The following ERCC8 variants were observed in gnomAD, a reference collection of about 807,000 sequenced individuals.
ERCC8 encodes the protein ERCC excision repair 8, CSA ubiquitin ligase complex subunit.
Under a neutral mutation model 54.9 loss-of-function variants are expected in ERCC8, and 52 were observed. The ratio of observed to expected loss-of-function variants is 0.95; its 90% CI spans 0.76 to 1.19. ERCC8 has a LOEUF of 1.19. Ranked by LOEUF, ERCC8 falls within the 50% of genes most tolerant of loss-of-function variation. The pLI is 0.00. For synonymous variants in ERCC8, 146 were observed against 157.2 expected (o/e 0.93, Z 0.53); for missense variants, 514 against 466.1 (o/e 1.10, Z -0.95).
intron 4 of ERCC8, among the ~76,000 whole-genome samples, chr5:60,909,428 T>C (rs1020254918): frequency 5.3e-5 from 8 of 152,018 alleles, no homozygotes; most frequent in Non-Finnish European, 1.0e-4. Context: ...TCCATAGTTA[T>C]ACCAAGTGTG....
intron 1 of ERCC8, among the ~76,000 whole-genome samples, chr5:60,931,040 C>T (rs893399949): frequency 2.6e-5 from 4 of 151,228 alleles, no homozygotes; most frequent in African/African-American, 9.7e-5. Context: ...ACTCAGGGGA[C>T]GGAGGTTGCA....
chr5:60,878,916 G>T (rs1256038484), intron 11 of ERCC8, among the ~76,000 whole-genome samples: 1 of 152,062 alleles, frequency 6.6e-6, no homozygotes, highest in East Asian at 1.9e-4. Context: ...GCTAGCTTTT[G>T]AATGTGTTTG....
chr5:60,911,388 T>A (rs1227706091), intron 4 of ERCC8, among the ~76,000 whole-genome samples: 2 of 152,162 alleles, frequency 1.3e-5, no homozygotes. Flanking sequence ...GCTGCATAAA[T>A]GTCTTCTTTG....
chr5:60,915,256 T>C (rs950307635), intron 4 of ERCC8: 53 of 152,100 alleles, frequency 3.5e-4, no homozygotes, highest in Admixed American at 3.0e-3. Flanking sequence ...AGCTCATTTG[T>C]TGGTAAGCTT....
chr5:60,915,012 T>A (rs1362665936), intron 4 of ERCC8, among the ~76,000 whole-genome samples: 2 of 152,022 alleles, frequency 1.3e-5, no homozygotes, highest in Non-Finnish European at 2.9e-5. Flanking sequence ...ATTTTTGTTA[T>A]TTATATTTGT....
intron 3 of ERCC8, chr5:60,919,370 C>T (rs1749535529): frequency 1.3e-5 from 2 of 151,816 alleles, no homozygotes; most frequent in Non-Finnish European, 1.5e-5. Context: ...TTTGAAATTT[C>T]CCATAGAAAA....
rs372945700 is a variant in ERCC8 at position 60,873,658 on chromosome 5, C to G, written c.*957G>C. On this transcript the variant is annotated 3_prime_UTR_variant, in exon 12 of 12. Transcript: ENST00000676185. ...AAACACTGCACTCCGGCCTGAGCGA[C>G]AGAGTGAAACTCCATCTCAGGAAAA... is the stretch of plus-strand genomic sequence containing the variant. Among the ~76,000 whole-genome samples the G allele has an allele frequency of 1.3e-5, 2 of 152,036 alleles. No homozygotes were observed. The highest frequency in any genetic ancestry group is 4.8e-5 in the African/African-American group (2 of 41,398).
intron 4 of ERCC8, among the ~76,000 whole-genome samples, chr5:60,906,392 C>A (rs533795529): frequency 2.0e-5 from 3 of 151,492 alleles, no homozygotes. Context: ...CTCTCATTAG[C>A]TTTACAAAGG....
chr5:60,909,923 T>G (rs1193201277), intron 4 of ERCC8: 4 of 150,504 alleles, frequency 2.7e-5, no homozygotes, highest in South Asian at 4.2e-4. Context: ...CACTGGCCAC[T>G]GCACTCCAGC....
rs1747752833 is a variant in ERCC8 at position 60,866,551 on chromosome 5, A to G, written c.*8064T>C. On this transcript the variant is annotated 3_prime_UTR_variant, in exon 12 of 12. Transcript: ENST00000676185. ...CAAATGAATAAACTTGCAAAATCAA[A>G]TAGGTAATCAATGATGGCTCCATAA... 6.6e-6 allele frequency: 1 copy of G among 152,190 alleles called. No individual in the cohort carries two copies. Among genetic ancestry groups the G allele is most frequent in the African/African-American group, 2.4e-5 (1 of 41,434 alleles). The allele number at this position is 152,190 out of a possible 1,614,324, so 9.4% of individuals were successfully genotyped here.
intron 4 of ERCC8, among the ~76,000 whole-genome samples, chr5:60,906,596 G>A (rs554386547): frequency 1.3e-5 from 2 of 151,998 alleles, no homozygotes; most frequent in African/African-American, 2.4e-5. Flanking sequence ...GGGCGTGGTG[G>A]CAGGCGCCTG....
intron 1 of ERCC8, 69 bp from the exon 2 acceptor site, chr5:60,929,028 A>G (rs1749831821): frequency 1.1e-6 from 1 of 909,532 alleles, no homozygotes; most frequent in Non-Finnish European, 1.8e-6. Flanking sequence ...TATTTAACCA[A>G]GATTACTTAT....
chr5:60,921,463 T>TA (rs1167602947), intron 3 of ERCC8, among the ~76,000 whole-genome samples: 1 of 151,904 alleles, frequency 6.6e-6, no homozygotes, highest in Non-Finnish European at 1.5e-5. Flanking sequence ...AACATTTTAT[T>TA]AGAGACTTAA....
At chr5:60,897,346 AATTG>A (rs1471448273) in intron 9 of ERCC8, among the ~76,000 whole-genome samples, 1 of 152,116 alleles carries the variant, frequency 6.6e-6, no homozygotes, top group Admixed American at 6.5e-5. Flanking sequence ...TCCATCTATT[AATTG>A]ATTGATGCCT....
At chr5:60,884,562 C>T (rs1748342834) in intron 11 of ERCC8, among the ~76,000 whole-genome samples, 1 of 145,834 alleles carries the variant, frequency 6.9e-6, no homozygotes, top group Non-Finnish European at 1.5e-5. Flanking sequence ...TATACTGCCT[C>T]CTTGGGAAAT....
chr5:60,901,912 C>T (rs374593227), intron 7 of ERCC8, among the ~76,000 whole-genome samples: 29 of 152,154 alleles, frequency 1.9e-4, no homozygotes, highest in African/African-American at 6.7e-4. Context: ...ATTACACCTA[C>T]CAGAGATGTA....
chr5:60,884,525 T>TTTG (rs1748339497), intron 11 of ERCC8, among the ~76,000 whole-genome samples: 1 of 61,620 alleles, frequency 1.6e-5, no homozygotes, highest in Non-Finnish European at 4.4e-5. Flanking sequence ...GTGTATGTGT[T>TTTG]TTTTTTTTTT....
intron 2 of ERCC8, 135 bp from the exon 3 acceptor site, chr5:60,922,290 A>C: frequency 3.5e-6 from 2 of 572,276 alleles, no homozygotes; most frequent in Non-Finnish European, 6.1e-6. Context: ...TAATAAGTTA[A>C]TCCTCAATAA....
At chr5:60,939,653 G>A (rs1015935657) in intron 1 of ERCC8, among the ~76,000 whole-genome samples, 12 of 151,944 alleles carry the variant, frequency 7.9e-5, no homozygotes, top group African/African-American at 2.4e-4. Context: ...CCCGGAGCAC[G>A]CCCGGCTGAT....
Sources: allele counts gnomAD v4.1 joint callset (sites outside exome capture counted in the v4.1 genomes callset), GRCh38; gene constraint gnomAD v4.1.1; transcripts MANE v1.5; gene names NCBI Gene and HGNC (gene_info 2026-07-23, HGNC 2026-07-21).